AMBRA1: variants seen among roughly 807,000 people sequenced by gnomAD.
AMBRA1 encodes autophagy and beclin 1 regulator 1, also known as activating molecule in BECN1-regulated autophagy protein 1.
In AMBRA1, 47 loss-of-function variants were observed where a neutral mutation model predicts 125.4. The ratio of observed to expected loss-of-function variants is 0.37; its 90% CI spans 0.30 to 0.48. The LOEUF (loss-of-function observed/expected upper bound fraction) is 0.48. Among genes scored for constraint, AMBRA1 ranks in the 20% least tolerant of loss-of-function variants. The pLI is 0.99. For missense variants in AMBRA1, 1,331 were observed against 1,693.4 expected (o/e 0.79, Z 3.76); for synonymous variants, 626 against 655.5 (o/e 0.95, Z 0.69).
At position 46,431,005 on chromosome 11, in the gene AMBRA1, G is replaced by C. The variant is rs529076116; in HGVS notation, c.2976+2469C>G. Among the ~76,000 whole-genome samples, 17 of 152,314 alleles carry C rather than the reference G, an allele frequency of 1.1e-4. No individual in the cohort carries two copies. The East Asian group carries it at 2.9e-3, about 26-fold the overall frequency. On this transcript the variant is annotated intron_variant, in intron 14 of 17. Coordinates refer to ENST00000683756, the MANE Select transcript of AMBRA1 (RefSeq NM_001387011.1). ...ACAGCACAGCTATCCAAAAAAGCTGGTGTCTTCCCTTCCACCAATCACTGA... is the reference window on the plus strand; with the variant it reads ...ACAGCACAGCTATCCAAAAAAGCTGCTGTCTTCCCTTCCACCAATCACTGA...
chr11:46,575,329 T>C (rs1219161805), intron 1 of AMBRA1, among the ~76,000 whole-genome samples: 1 of 151,622 alleles, frequency 6.6e-6, no homozygotes, highest in Non-Finnish European at 1.5e-5. Context: ...TGGTGGCACG[T>C]GCCTGTAATC....
At chr11:46,427,139 G>A (rs569502639) in intron 14 of AMBRA1, among the ~76,000 whole-genome samples, 1 of 152,266 alleles carries the variant, frequency 6.6e-6, no homozygotes, top group African/African-American at 2.4e-5. Context: ...GTAGATTGAA[G>A]AATAAAGCTG....
At chr11:46,511,862 C>CT (rs1189137391) in intron 8 of AMBRA1, among the ~76,000 whole-genome samples, 1,899 of 149,138 alleles carry the variant, frequency 0.013, 34 homozygotes, top group African/African-American at 0.041. Context: ...CAAATGTCTT[C>CT]TTTTTTTTTT....
intron 11 of AMBRA1, among the ~76,000 whole-genome samples, chr11:46,492,334 G>A (rs1449626942): frequency 1.3e-5 from 2 of 152,228 alleles, no homozygotes; most frequent in South Asian, 2.1e-4. Context: ...CCTTGATGCT[G>A]TCACAGCAGC....
Position 46,547,307 on chromosome 11 carries a change from A to C in AMBRA1, c.195-11T>G. On this transcript the variant is annotated splice_polypyrimidine_tract_variant and intron_variant, in intron 3 of 17. Transcript: ENST00000683756. Reference sequence around the variant, plus strand: ...GAGGCTAAGAGAGTCCTAGAAAATCAAAGAGTAGAACTGAATTCAGAAGCA... The same window carrying C: ...GAGGCTAAGAGAGTCCTAGAAAATCCAAGAGTAGAACTGAATTCAGAAGCA... The C allele has an allele frequency of 6.3e-7, 1 of 1,599,992 alleles. No individual in the cohort carries two copies. Among genetic ancestry groups the C allele is most frequent in the Non-Finnish European group, 8.5e-7 (1 of 1,173,908 alleles).
At chr11:46,424,565 C>T (rs1947020170) in intron 14 of AMBRA1, among the ~76,000 whole-genome samples, 1 of 152,218 alleles carries the variant, frequency 6.6e-6, no homozygotes, top group African/African-American at 2.4e-5. Context: ...AAATTATACT[C>T]GCTGGGCGTG....
At chr11:46,446,439 C>T (rs1283345484) in intron 11 of AMBRA1, among the ~76,000 whole-genome samples, 4 of 152,138 alleles carry the variant, frequency 2.6e-5, no homozygotes, top group South Asian at 2.1e-4. Context: ...TATTTACATA[C>T]GAGGCACTTA....
At chr11:46,464,934 A>G (rs1949258376) in intron 11 of AMBRA1, among the ~76,000 whole-genome samples, 1 of 152,050 alleles carries the variant, frequency 6.6e-6, no homozygotes. Context: ...AATCCCAGCT[A>G]CTCAGGAGTC....
chr11:46,570,106 T>C (rs12278857), intron 1 of AMBRA1, among the ~76,000 whole-genome samples: 43 of 151,082 alleles, frequency 2.8e-4, no homozygotes, highest in African/African-American at 1.0e-3. Context: ...ACTAAAAATA[T>C]AAAAAAATAG....
At chr11:46,569,734 A>G (rs1358857825) in intron 1 of AMBRA1, among the ~76,000 whole-genome samples, 3 of 151,912 alleles carry the variant, frequency 2.0e-5, no homozygotes, top group Non-Finnish European at 4.4e-5. Flanking sequence ...CCTGGCCAAC[A>G]TGGCTAGTCA....
chr11:46,528,460 C>G (rs1278324579), intron 7 of AMBRA1, among the ~76,000 whole-genome samples: 2 of 152,154 alleles, frequency 1.3e-5, no homozygotes, highest in African/African-American at 2.4e-5. Flanking sequence ...CGTGAGCCAC[C>G]GCGCCCAGCC....
intron 11 of AMBRA1, among the ~76,000 whole-genome samples, chr11:46,475,030 AGAG>A (rs1447166285): frequency 1.3e-5 from 2 of 152,186 alleles, no homozygotes; most frequent in Admixed American, 6.5e-5. Context: ...AGAGGAGATG[AGAG>A]GAGAAAATGA....
chr11:46,451,816 G>A (rs1432898407), intron 11 of AMBRA1: 2 of 146,904 alleles, frequency 1.4e-5, no homozygotes, highest in Admixed American at 1.4e-4. Context: ...AACCTGCCCT[G>A]GGCTTTCTAG....
chr11:46,593,937 G>C lies in AMBRA1; in HGVS notation c.-230C>G, dbSNP rs978834080. ...AAGGGGTCCGTTCTACCGACCGGCA[G>C]GAGAAGGCGGCTTGAGCGCGGGGCC... On this transcript the variant is annotated 5_prime_UTR_variant, in exon 1 of 18. Coordinates refer to ENST00000683756, the MANE Select transcript of AMBRA1 (RefSeq NM_001387011.1). The C allele has an allele frequency of 5.0e-6, 2 of 398,544 alleles. No homozygotes were observed. The highest frequency in any genetic ancestry group is 4.1e-5 in the African/African-American group (2 of 48,640). 24.7% of individuals were successfully genotyped at this position (398,544 alleles called of 1,614,324 possible).
rs575589960 is a variant in AMBRA1, at chr11:46,481,478, C to T, written c.2521+12130G>A. Reference sequence around the variant, plus strand: ...TCCCGGGTTCAAGTGATTCTCCTGCCTCAGCCTCCTGAGTAGCTGGGATTA... The same window carrying T: ...TCCCGGGTTCAAGTGATTCTCCTGCTTCAGCCTCCTGAGTAGCTGGGATTA... On this transcript the variant is annotated intron_variant, in intron 11 of 17. Coordinates refer to ENST00000683756, the MANE Select transcript of AMBRA1 (RefSeq NM_001387011.1). Among the ~76,000 whole-genome samples the T allele has an allele frequency of 7.2e-5, 11 of 152,310 alleles. No homozygotes were observed. The East Asian group carries it at 2.1e-3, about 29-fold the overall frequency.
intron 15 of AMBRA1, among the ~76,000 whole-genome samples, chr11:46,417,260 C>T (rs975269857): frequency 1.3e-4 from 20 of 152,140 alleles, no homozygotes; most frequent in African/African-American, 4.8e-4. Flanking sequence ...CCACGTTGAC[C>T]AGGATGGTCT....
chr11:46,424,891 C>T (rs777823831), intron 14 of AMBRA1, among the ~76,000 whole-genome samples: 2 of 152,084 alleles, frequency 1.3e-5, no homozygotes, highest in Non-Finnish European at 2.9e-5. Flanking sequence ...AATCCCAGCA[C>T]TTTGGGAGGC....
intron 11 of AMBRA1, among the ~76,000 whole-genome samples, chr11:46,462,563 T>C (rs1949142841): frequency 2.0e-5 from 3 of 152,166 alleles, no homozygotes; most frequent in Admixed American, 2.0e-4. Flanking sequence ...TCTACCCCTC[T>C]GGGCTTGTCT....
At chr11:46,551,600 A>AT (rs2135202864) in intron 1 of AMBRA1, among the ~76,000 whole-genome samples, 1 of 152,324 alleles carries the variant, frequency 6.6e-6, no homozygotes, top group Admixed American at 6.5e-5. Context: ...ACCAGGCGCG[A>AT]TGGCTCACGC....
Sources: gnomAD v4.1 joint callset for allele counts (sites outside exome capture counted in the v4.1 genomes callset) on GRCh38, gnomAD v4.1.1 for gene constraint, MANE v1.5 for transcripts, NCBI Gene and HGNC (gene_info 2026-07-23, HGNC 2026-07-21) for gene names.